Variants in MACROD2 observed in about 807,000 individuals in gnomAD.
MACROD2 encodes the protein ADP-ribose glycohydrolase MACROD2.
MACROD2 carries 36 observed loss-of-function variants against 70.4 expected under a neutral mutation model. The ratio of observed to expected loss-of-function variants is 0.51; its 90% CI spans 0.39 to 0.68. MACROD2 has a LOEUF of 0.68. Ranked by LOEUF, MACROD2 falls within the 30% of genes least tolerant of loss-of-function variation. MACROD2 has a pLI of 0.00. For missense variants in MACROD2, 496 were observed against 538.4 expected, an observed-to-expected ratio of 0.92 and a Z score of 0.78; for synonymous variants, 172 against 178.8, an observed-to-expected ratio of 0.96 and a Z score of 0.30.
At chr20:16,045,671 T>C (rs1212103402) in intron 17 of MACROD2, among the ~76,000 whole-genome samples, 2 of 152,116 alleles carry the variant, frequency 1.3e-5, no homozygotes, top group South Asian at 2.1e-4. Context: ...GTGTGCATAC[T>C]GTCTTTATCT....
chr20:15,456,917 G>C (rs563651117), intron 7 of MACROD2, among the ~76,000 whole-genome samples: 14 of 152,082 alleles, frequency 9.2e-5, no homozygotes, highest in African/African-American at 3.4e-4. Context: ...GGGCTTTATA[G>C]TTTTATCTGC....
chr20:15,889,297 A>G (rs1467539497), intron 10 of MACROD2, among the ~76,000 whole-genome samples: 1 of 152,204 alleles, frequency 6.6e-6, no homozygotes, highest in Non-Finnish European at 1.5e-5. Context: ...CTGCTGAGCC[A>G]GACTTTAATT....
intron 3 of MACROD2, among the ~76,000 whole-genome samples, chr20:14,420,144 TTA>T (rs368804584): frequency 1.3e-4 from 19 of 148,236 alleles, no homozygotes; most frequent in African/African-American, 2.2e-4. Flanking sequence ...TCTGTCCTAA[TTA>T]TATATATATA....
rs537829297 is a variant in MACROD2, at chr20:14,186,171, TAGAGAATAAAATGTGCCTTGA to T, written c.271+100446_271+100466del. ...ATAATACACATATACCTAGGTTCTA[TAGAGAATAAAATGTGCCTTGA>T]AGGCATTCCCTAGTGAACACAAATA... On this transcript the variant is annotated intron_variant, in intron 3 of 17. Transcript: ENST00000684519. 2.8e-3 allele frequency among the ~76,000 whole-genome samples: 433 copies of T among 152,302 alleles called. 4 individuals carry two copies. The highest frequency in any genetic ancestry group is 9.8e-3 in the African/African-American group (407 of 41,574).
Position 14,326,212 on chromosome 20 carries a change from G to C in MACROD2, c.272-167267G>C, listed in dbSNP as rs1384310104. On this transcript the variant is annotated intron_variant, in intron 3 of 17. Transcript: ENST00000684519. This position sits in a 1 kb window ranked among gnomAD's most constrained non-coding sequence, Gnocchi z 5.5. Reference sequence around the variant, plus strand: ...CCAGCTGAGTCTCAAAGCAGTCATAGGTAGAGCAAGTTTCCAAGAGATATG... The same window carrying C: ...CCAGCTGAGTCTCAAAGCAGTCATACGTAGAGCAAGTTTCCAAGAGATATG... 2 of 1,613,932 alleles carry C rather than the reference G, an allele frequency of 1.2e-6. No homozygotes were observed. The highest frequency in any genetic ancestry group is 4.5e-5 in the East Asian group (2 of 44,866).
chr20:14,278,260 A>G (rs1467695432), intron 3 of MACROD2, among the ~76,000 whole-genome samples: 2 of 152,218 alleles, frequency 1.3e-5, no homozygotes, highest in African/African-American at 4.8e-5. Flanking sequence ...GTTTCTTTCA[A>G]AGGTATTCAG....
chr20:15,685,104 T>G (rs1348490669), intron 8 of MACROD2, among the ~76,000 whole-genome samples: 1 of 152,168 alleles, frequency 6.6e-6, no homozygotes, highest in Non-Finnish European at 1.5e-5. Context: ...ATAGAGTCTC[T>G]GTGATATGTG....
At chr20:15,810,012 C>G (rs2063804440) in intron 8 of MACROD2, among the ~76,000 whole-genome samples, 1 of 127,774 alleles carries the variant, frequency 7.8e-6, no homozygotes, top group South Asian at 3.1e-4. Context: ...TGTCCCTCCC[C>G]CCTCCCCCCA....
At position 15,213,898 on chromosome 20, in the gene MACROD2, CT is replaced by C. The variant is rs796738594; in HGVS notation, c.419-16031del. 6.8e-3 allele frequency among the ~76,000 whole-genome samples: 986 copies of C among 146,026 alleles called. 13 individuals are homozygous for C. The highest frequency in any genetic ancestry group is 0.022 in the African/African-American group (883 of 39,920). ...AATTCCAAGGGCAATTTTCTGTTTT[CT>C]TTTTTTTTTTATTTTTTGTTTTTTT... On this transcript the variant is annotated intron_variant, in intron 5 of 17. Coordinates refer to ENST00000684519, the MANE Select transcript of MACROD2 (RefSeq NM_001351661.2).
At chr20:14,064,831 A>G (rs149253947) in intron 2 of MACROD2, among the ~76,000 whole-genome samples, 17 of 152,344 alleles carry the variant, frequency 1.1e-4, no homozygotes, top group African/African-American at 4.1e-4. Context: ...ATACGATACT[A>G]AATGAAGAAC....
At chr20:14,804,620 G>A (rs1356591019) in intron 5 of MACROD2, among the ~76,000 whole-genome samples, 1 of 151,952 alleles carries the variant, frequency 6.6e-6, no homozygotes, top group Admixed American at 6.6e-5. Flanking sequence ...GCTTTCATGT[G>A]AGAGGGCTGT....
In MACROD2 at chr20:15,150,103, C is replaced by T. The variant is rs148552876; in HGVS notation, c.419-79837C>T. ...TTGGACACTATCGGCAGGGAGAGCA[C>T]ATGTGTTTTTATGAGAATTATGCCA... is the stretch of plus-strand genomic sequence containing the variant. On this transcript the variant is annotated intron_variant, in intron 5 of 17. Coordinates refer to ENST00000684519, the MANE Select transcript of MACROD2 (RefSeq NM_001351661.2). Among the ~76,000 whole-genome samples, 896 of 151,978 alleles carry T rather than the reference C, an allele frequency of 5.9e-3. 28 individuals are homozygous for T. Among genetic ancestry groups the T allele is most frequent in the African/African-American group, 0.02 (837 of 41,358 alleles).
chr20:15,865,786 G>A (rs2064484235), intron 9 of MACROD2, among the ~76,000 whole-genome samples: 1 of 152,204 alleles, frequency 6.6e-6, no homozygotes, highest in African/African-American at 2.4e-5. Context: ...GGAGGTGGCA[G>A]GGAGCCCAGC....
chr20:15,687,387 T>G (rs1228546142), intron 8 of MACROD2, among the ~76,000 whole-genome samples: 1 of 152,098 alleles, frequency 6.6e-6, no homozygotes, highest in Non-Finnish European at 1.5e-5. Flanking sequence ...TTCCTCTTCC[T>G]GTTACTATCA....
Position 14,148,223 on chromosome 20 carries a change from T to A in MACROD2, c.271+62495T>A, listed in dbSNP as rs576975754. ...ATCTACCCTTTGTTTATATGTGTGG[T>A]CTGTAGATAGCAGCAGGGCCTGGCT... On this transcript the variant is annotated intron_variant, in intron 3 of 17. Coordinates refer to ENST00000684519, the MANE Select transcript of MACROD2 (RefSeq NM_001351661.2). Among the ~76,000 whole-genome samples the A allele has an allele frequency of 5.3e-5, 8 of 152,320 alleles. No individual in the cohort carries two copies. In the South Asian group the frequency reaches 8.3e-4, roughly 16 times the overall value.
intron 3 of MACROD2, among the ~76,000 whole-genome samples, chr20:14,452,459 A>G (rs1317113548): frequency 6.6e-6 from 1 of 152,132 alleles, no homozygotes; most frequent in East Asian, 1.9e-4. Flanking sequence ...TCATTATACC[A>G]AATAAATTAC....
chr20:14,208,847 A>G lies in MACROD2; in HGVS notation c.271+123119A>G, dbSNP rs1267929896. On this transcript the variant is annotated intron_variant, in intron 3 of 17. Transcript: ENST00000684519. ...AGTAGACTGTAGATACAGAAGTGGC[A>G]GCAAGGAGCAAGATACATGTTGATC... Among the ~76,000 whole-genome samples the G allele has an allele frequency of 2.0e-5, 3 of 152,250 alleles. No individual in the cohort carries two copies. In the South Asian group the frequency reaches 6.2e-4, roughly 31 times the overall value.
intron 5 of MACROD2, chr20:14,849,978 C>G (rs773250722): frequency 1.9e-6 from 1 of 517,254 alleles, no homozygotes; most frequent in Non-Finnish European, 3.9e-6. Flanking sequence ...TTCAATCACT[C>G]CACCGAAAAA....
chr20:15,197,136 G>T (rs1199390667), intron 5 of MACROD2: 1 of 437,646 alleles, frequency 2.3e-6, no homozygotes, highest in Non-Finnish European at 3.0e-6. Flanking sequence ...CCCCATATAT[G>T]AGTGACTCTT....
Sources: allele counts gnomAD v4.1 joint callset (sites outside exome capture counted in the v4.1 genomes callset), GRCh38; gene constraint gnomAD v4.1.1; non-coding constraint Gnocchi (gnomAD v3.1); transcripts MANE v1.5; gene names NCBI Gene and HGNC (gene_info 2026-07-23, HGNC 2026-07-21).